Variants in SMOC2 observed in about 807,000 individuals in gnomAD.
SMOC2 encodes SPARC-related modular calcium-binding protein 2.
SMOC2 carries 39 observed loss-of-function variants against 61.4 expected under a neutral mutation model. The ratio of observed to expected loss-of-function variants is 0.64; its 90% CI spans 0.49 to 0.83. The LOEUF is 0.83. Ranked by LOEUF, SMOC2 falls within the 40% of genes least tolerant of loss-of-function variation. SMOC2 has a pLI of 0.00. For missense variants in SMOC2, 556 were observed against 592.9 expected (o/e 0.94, Z 0.65); for synonymous variants, 247 against 239.9 (o/e 1.03, Z -0.27).
chr6:168,542,027 T>G (rs1783886944), intron 4 of SMOC2, among the ~76,000 whole-genome samples: 1 of 152,264 alleles, frequency 6.6e-6, no homozygotes, highest in Admixed American at 6.5e-5. Flanking sequence ...TTAGCATATT[T>G]ACATTTTCCT....
intron 2 of SMOC2, among the ~76,000 whole-genome samples, chr6:168,520,756 G>A (rs1783311046): frequency 6.6e-6 from 1 of 152,234 alleles, no homozygotes; most frequent in Non-Finnish European, 1.5e-5. Context: ...AACAGGAAGA[G>A]TTACTTTGAT....
chr6:168,575,214 C>T (rs750985344), intron 7 of SMOC2, among the ~76,000 whole-genome samples: 4 of 152,192 alleles, frequency 2.6e-5, no homozygotes, highest in Non-Finnish European at 4.4e-5. Context: ...CTCGCTTTTG[C>T]TGCTGAACAT....
At chr6:168,539,547 G>C (rs1783829055) in intron 4 of SMOC2, among the ~76,000 whole-genome samples, 1 of 152,248 alleles carries the variant, frequency 6.6e-6, no homozygotes, top group Non-Finnish European at 1.5e-5. Context: ...CATGGTGTCT[G>C]GGTCCCAGGA....
chr6:168,653,054 GAAATC>G lies in SMOC2; in HGVS notation c.1115_1119del (p.Ile372ThrfsTer21). On this transcript the variant is annotated frameshift_variant, in exon 11 of 13. Transcript: ENST00000356284. LOFTEE classifies it high-confidence loss of function. ...CTCCAGTGGAGACATCGGCAAAAAG[GAAATC>G]AAACCCTTCAAGAGGTTCCTTCGCA... 6.2e-7 allele frequency: 1 copy of G among 1,614,150 alleles called. No individual in the cohort carries two copies. Among genetic ancestry groups the G allele is most frequent in the Non-Finnish European group, 8.5e-7 (1 of 1,180,032 alleles).
At chr6:168,613,878 G>T (rs1785966848) in intron 9 of SMOC2, among the ~76,000 whole-genome samples, 1 of 100,562 alleles carries the variant, frequency 9.9e-6, no homozygotes, top group African/African-American at 4.1e-5. Flanking sequence ...CCTACAGCCA[G>T]CACAGGACCT....
At chr6:168,546,961 A>G in intron 5 of SMOC2, 158 bp from the exon 6 acceptor site, 1 of 823,020 alleles carries the variant, frequency 1.2e-6, no homozygotes. Flanking sequence ...TTCCAGCCGC[A>G]GCTGCAGGCA....
At chr6:168,625,262 G>A (rs112905292) in intron 9 of SMOC2, among the ~76,000 whole-genome samples, 4,169 of 152,300 alleles carry the variant, frequency 0.027, 180 homozygotes, top group African/African-American at 0.094. Context: ...GCTGCCCCTC[G>A]GGAAGAAAGA....
intron 9 of SMOC2, among the ~76,000 whole-genome samples, chr6:168,622,615 C>T (rs1476833882): frequency 1.3e-5 from 2 of 152,090 alleles, no homozygotes; most frequent in African/African-American, 4.8e-5. Flanking sequence ...ACTAACTCAG[C>T]AGAGGTGAGA....
chr6:168,582,124 C>G (rs1285064110), intron 7 of SMOC2, among the ~76,000 whole-genome samples: 1 of 152,174 alleles, frequency 6.6e-6, no homozygotes, highest in South Asian at 2.1e-4. Flanking sequence ...AGGCACAGAG[C>G]GGGAGCTAAA....
chr6:168,526,101 G>C (rs1010991215), intron 2 of SMOC2, among the ~76,000 whole-genome samples: 5 of 152,218 alleles, frequency 3.3e-5, no homozygotes, highest in African/African-American at 4.8e-5. Context: ...TCAATGTGGA[G>C]AATGGGCCTG....
At chr6:168,451,049 T>TG in intron 1 of SMOC2, among the ~76,000 whole-genome samples, 1 of 152,310 alleles carries the variant, frequency 6.6e-6, no homozygotes, top group South Asian at 2.1e-4. Context: ...GGGTTGGCCT[T>TG]AATTCTCCCA....
At chr6:168,473,604 G>A (rs1194993431) in intron 1 of SMOC2, among the ~76,000 whole-genome samples, 1 of 152,112 alleles carries the variant, frequency 6.6e-6, no homozygotes, top group Non-Finnish European at 1.5e-5. Flanking sequence ...TGAACTCCAG[G>A]TGACAGAGAA....
rs966537066 is a variant in SMOC2 at position 168,466,713 on chromosome 6, G to C, written c.84+25259G>C. ...TTCTTCAAAACCCCAGCTCCACGAAGGGTGCACCTGCAACATGTTTATTTC... is the reference window on the plus strand; with the variant it reads ...TTCTTCAAAACCCCAGCTCCACGAACGGTGCACCTGCAACATGTTTATTTC... On this transcript the variant is annotated intron_variant, in intron 1 of 12. Transcript: ENST00000356284. 3.9e-5 allele frequency among the ~76,000 whole-genome samples: 6 copies of C among 152,352 alleles called. No homozygotes were observed. In the East Asian group the frequency reaches 1.2e-3, roughly 29 times the overall value.
At chr6:168,616,209 A>G (rs574746882) in intron 9 of SMOC2, among the ~76,000 whole-genome samples, 4 of 152,336 alleles carry the variant, frequency 2.6e-5, no homozygotes, top group Admixed American at 1.3e-4. Flanking sequence ...AGTCTTCTAA[A>G]TTTTAGCTGA....
rs546443480 is a variant in SMOC2 at position 168,650,796 on chromosome 6, C to T, written c.1010+13C>T. 2.4e-5 allele frequency: 38 copies of T among 1,602,492 alleles called. No homozygotes were observed. Among genetic ancestry groups the T allele is most frequent in the African/African-American group, 1.9e-4 (14 of 74,872 alleles). The stretch of plus-strand genomic sequence containing the variant: ...CCTCGTCAGGCAGGTACGCTGTGTT[C>T]GCCGTGGGACAACAAGTTGGCAGGG... On this transcript the variant is annotated intron_variant, in intron 10 of 12. Transcript: ENST00000356284.
chr6:168,573,417 G>C lies in SMOC2; in HGVS notation c.637+24214G>C, dbSNP rs376683234. Among the ~76,000 whole-genome samples, 103 of 119,164 alleles carry C rather than the reference G, an allele frequency of 8.6e-4. 1 individual carries two copies. The highest frequency in any genetic ancestry group is 2.8e-3 in the African/African-American group (71 of 25,236). 78.2% of individuals were successfully genotyped at this position (119,164 alleles called of 152,430 possible). ...TCCCTGAACGCGATGTTCATTTCCT[G>C]CCCGCATCTCCGGGTGCTGGGACCA... On this transcript the variant is annotated intron_variant, in intron 7 of 12. Transcript: ENST00000356284.
chr6:168,518,471 CTG>C (rs933688479), intron 2 of SMOC2, among the ~76,000 whole-genome samples: 48 of 143,588 alleles, frequency 3.3e-4, no homozygotes, highest in African/African-American at 1.1e-3. Flanking sequence ...ATTCATGTGC[CTG>C]TGAGTGTACA....
At chr6:168,474,180 C>G (rs1782028688) in intron 1 of SMOC2, among the ~76,000 whole-genome samples, 1 of 152,138 alleles carries the variant, frequency 6.6e-6, no homozygotes, top group African/African-American at 2.4e-5. Context: ...GGAAGGAGCA[C>G]AGACCCGATC....
chr6:168,647,895 T>C (rs1787083692), intron 9 of SMOC2, among the ~76,000 whole-genome samples: 1 of 152,226 alleles, frequency 6.6e-6, no homozygotes, highest in African/African-American at 2.4e-5. Context: ...GATTTGCTGC[T>C]TCTTGTTTTA....
Sources: allele counts gnomAD v4.1 joint callset (sites outside exome capture counted in the v4.1 genomes callset), GRCh38; gene constraint gnomAD v4.1.1; transcripts MANE v1.5; gene names NCBI Gene and HGNC (gene_info 2026-07-23, HGNC 2026-07-21).